Variants in TMEM207 observed in about 807,000 individuals in gnomAD.
The protein encoded by TMEM207 is SRSR846.
Under a neutral mutation model 17.4 loss-of-function variants are expected in TMEM207, and 15 were observed. The observed-to-expected ratio is 0.86, with a 90% confidence interval of 0.58 to 1.33. The LOEUF is 1.33. Ranked by LOEUF, TMEM207 falls within the 40% of genes most tolerant of loss-of-function variation. TMEM207 has a pLI of 0.00. For synonymous variants in TMEM207, 70 were observed against 65.6 expected (o/e 1.07, Z -0.33); for missense variants, 205 against 173.8 (o/e 1.18, Z -1.01).
At chr3:190,430,964 A>T (rs1307739877) in intron 4 of TMEM207, among the ~76,000 whole-genome samples, 1 of 152,178 alleles carries the variant, frequency 6.6e-6, no homozygotes, top group Non-Finnish European at 1.5e-5. Flanking sequence ...CTTCACTAGG[A>T]TCCATACGGA....
rs1332484306 is a variant in TMEM207, at chr3:190,429,651, A to G, written c.385T>C (p.Cys129Arg). ...TPDLYPVPAP[C>R]FGPLGSPPPY... ...GGTGGGGAGCCTAAAGGGCCAAAACATGGAGCAGGAACAGGATATAGGTCA... is the reference window on the plus strand; with the variant it reads ...GGTGGGGAGCCTAAAGGGCCAAAACGTGGAGCAGGAACAGGATATAGGTCA... Residue 129 changes from cysteine to arginine, a missense_variant, in exon 5 of 5, where the codon TGT becomes CGT. Transcript: ENST00000354905. The G allele has an allele frequency of 1.9e-6, 3 of 1,613,660 alleles. No individual in the cohort carries two copies. Among genetic ancestry groups the G allele is most frequent in the Non-Finnish European group, 2.5e-6 (3 of 1,179,694 alleles).
At chr3:190,448,184 G>T (rs1445519261) in intron 1 of TMEM207, among the ~76,000 whole-genome samples, 6 of 151,882 alleles carry the variant, frequency 4.0e-5, no homozygotes, top group Middle Eastern at 3.4e-3. Context: ...GAGGTCAGAG[G>T]TTCATTATTA....
rs137891237 is a variant in TMEM207, at chr3:190,444,901, T to A, written c.113+2889A>T. On this transcript the variant is annotated intron_variant, in intron 2 of 4. Transcript: ENST00000354905. ...AGTCATTCCTCAACATAGGCCAAAG[T>A]GCAATTCAGCTACAGTAATTTGAGG... Among the ~76,000 whole-genome samples the A allele has an allele frequency of 2.7e-3, 409 of 152,280 alleles. 1 individual carries two copies. The highest frequency in any genetic ancestry group is 3.8e-3 in the Non-Finnish European group (256 of 68,024).
rs1720083168 is a variant in TMEM207 at position 190,447,805 on chromosome 3, C to T, written c.98G>A (p.Cys33Tyr). 1 of 1,612,268 alleles carries T rather than the reference C, an allele frequency of 6.2e-7. No individual in the cohort carries two copies. The highest frequency in any genetic ancestry group is 1.1e-5 in the South Asian group (1 of 90,682). ...LFQLVLSDLP[C>Y]EEDEMCVNYN... The stretch of plus-strand genomic sequence containing the variant: ...GTTTACTTACATTTCATCTTCTTCG[C>T]ATGGTAGGTCCGAGAGCACCAACTG... The change falls in exon 2 of 5, where the codon TGC (cysteine) becomes TAC (tyrosine). Residue 33 changes from cysteine to tyrosine, a missense_variant. Physicochemically the swap from Cys to Tyr is radical, Grantham distance 194. Coordinates refer to ENST00000354905, the MANE Select transcript of TMEM207 (RefSeq NM_207316.3).
intron 2 of TMEM207, 65 bp downstream of exon 2, chr3:190,447,725 C>CT: frequency 6.5e-7 from 1 of 1,549,574 alleles, no homozygotes; most frequent in Non-Finnish European, 8.8e-7. Flanking sequence ...TGGCTTGAGC[C>CT]TTTTTTATAC....
Position 190,429,540 on chromosome 3 carries a change from T to A in TMEM207, c.*55A>T. 6.3e-7 allele frequency: 1 copy of A among 1,587,212 alleles called. No individual in the cohort carries two copies. The highest frequency in any genetic ancestry group is 1.3e-5 in the African/African-American group (1 of 74,242). Reference sequence around the variant, plus strand: ...CTGAAATAACTATTCCTAAATTTGATGTTTTGGAATTACAGATGTCGTTAA... The same window carrying A: ...CTGAAATAACTATTCCTAAATTTGAAGTTTTGGAATTACAGATGTCGTTAA... On this transcript the variant is annotated 3_prime_UTR_variant, in exon 5 of 5. Transcript: ENST00000354905.
rs1010943756 is a variant in TMEM207 at position 190,433,353 on chromosome 3, T to C, written c.305-3622A>G. 5.3e-5 allele frequency among the ~76,000 whole-genome samples: 8 copies of C among 152,320 alleles called. 1 individual carries two copies. In the South Asian group the frequency reaches 1.7e-3, roughly 32 times the overall value. On this transcript the variant is annotated intron_variant, in intron 4 of 4. Transcript: ENST00000354905. ...AATAAAAACAACCTTTCATTTTTAA[T>C]AAACTCCAAAATTCCTTTGACATTG...
At chr3:190,448,100 T>G (rs1363218189) in intron 1 of TMEM207, among the ~76,000 whole-genome samples, 1 of 152,180 alleles carries the variant, frequency 6.6e-6, no homozygotes, top group African/African-American at 2.4e-5. Context: ...ATTTTTGTTT[T>G]TTCTATATGC....
chr3:190,439,176 CAAAAAAAAAAAAA>C (rs772313119), intron 4 of TMEM207, among the ~76,000 whole-genome samples: 4 of 58,662 alleles, frequency 6.8e-5, no homozygotes, highest in Non-Finnish European at 1.2e-4. Flanking sequence ...GACTCCGTCT[CAAAAAAAAAAAAA>C]AAAAAAAAAA....
chr3:190,441,129 C>A (rs977947689), intron 3 of TMEM207, among the ~76,000 whole-genome samples: 1 of 152,058 alleles, frequency 6.6e-6, no homozygotes, highest in African/African-American at 2.4e-5. Flanking sequence ...TTTGGAATGC[C>A]TTTTAAGGCC....
chr3:190,436,704 G>T (rs1445154183), intron 4 of TMEM207, among the ~76,000 whole-genome samples: 3 of 152,192 alleles, frequency 2.0e-5, no homozygotes, highest in Non-Finnish European at 2.9e-5. Flanking sequence ...ATCCAGTGAG[G>T]AATGTAAATC....
intron 3 of TMEM207, among the ~76,000 whole-genome samples, chr3:190,441,023 G>C (rs887727754): frequency 2.3e-4 from 35 of 152,022 alleles, no homozygotes; most frequent in Non-Finnish European, 5.9e-5. Context: ...GAGCCGAGAT[G>C]GCGCCACTGC....
chr3:190,436,158 T>C lies in TMEM207; in HGVS notation c.304+4086A>G, dbSNP rs78337040. Among the ~76,000 whole-genome samples the C allele has an allele frequency of 6.8e-4, 103 of 152,342 alleles. 1 individual carries two copies. The East Asian group carries it at 0.016, about 24-fold the overall frequency. ...GAGCTATTTCAATTAATATATTCAA[T>C]AAATGGTGATAATTAAGTAAAATAA... On this transcript the variant is annotated intron_variant, in intron 4 of 4. Transcript: ENST00000354905.
chr3:190,445,049 A>G (rs1263654268), intron 2 of TMEM207, among the ~76,000 whole-genome samples: 1 of 152,152 alleles, frequency 6.6e-6, no homozygotes, highest in African/African-American at 2.4e-5. Context: ...TAAATGTTGG[A>G]TATACAATAT....
intron 1 of TMEM207, among the ~76,000 whole-genome samples, chr3:190,448,791 A>C (rs1258862796): frequency 6.6e-6 from 1 of 152,170 alleles, no homozygotes; most frequent in African/African-American, 2.4e-5. Flanking sequence ...CATCTTCTTC[A>C]GCACCTTGTA....
chr3:190,440,436 G>A (rs775869121), intron 3 of TMEM207, 47 bp from the exon 4 acceptor site: 21 of 1,545,396 alleles, frequency 1.4e-5, no homozygotes, highest in Non-Finnish European at 1.7e-5. Flanking sequence ...AGTATGCAGG[G>A]AAGTTAAGAG....
Position 190,428,945 on chromosome 3 carries a change from C to G in TMEM207, c.*650G>C, listed in dbSNP as rs758008392. On this transcript the variant is annotated 3_prime_UTR_variant, in exon 5 of 5. Transcript: ENST00000354905. ...AAAAGGGGAACTTTTCTTTTCTCCC[C>G]GTGTTGGCATTATATGTGCTCTATA... The G allele has an allele frequency of 6.6e-6, 1 of 152,174 alleles. No individual in the cohort carries two copies. Among genetic ancestry groups the G allele is most frequent in the South Asian group, 2.1e-4 (1 of 4,826 alleles). 9.4% of individuals were successfully genotyped at this position (152,174 alleles called of 1,614,324 possible).
Position 190,449,842 on chromosome 3 carries a change from T to G in TMEM207, c.-33A>C, listed in dbSNP as rs1720124343. ...GGACAGTCAACTTAGGATAGTGGTT[T>G]GGTGCCTGTGTTTATTTCCTTCTTT... On this transcript the variant is annotated 5_prime_UTR_variant, in exon 1 of 5. Transcript: ENST00000354905. The G allele has an allele frequency of 6.3e-7, 1 of 1,590,520 alleles. No homozygotes were observed. The highest frequency in any genetic ancestry group is 8.6e-7 in the Non-Finnish European group (1 of 1,158,800).
At chr3:190,449,687 A>T (rs759562195) in intron 1 of TMEM207, 48 bp downstream of exon 1, 1 of 1,507,078 alleles carries the variant, frequency 6.6e-7, no homozygotes, top group African/African-American at 1.4e-5. Flanking sequence ...TCCTCAGAGT[A>T]CCTCAGAGTA....
Sources: allele counts gnomAD v4.1 joint callset (sites outside exome capture counted in the v4.1 genomes callset), GRCh38; gene constraint gnomAD v4.1.1; transcripts MANE v1.5; gene names NCBI Gene and HGNC (gene_info 2026-07-23, HGNC 2026-07-21).